The following PTPRD variants were observed in gnomAD, a reference collection of about 807,000 sequenced individuals.
The protein encoded by PTPRD is protein tyrosine phosphatase receptor type D.
PTPRD carries 34 observed loss-of-function variants against 214.5 expected under a neutral mutation model. The observed-to-expected ratio is 0.16, with a 90% CI of 0.12 to 0.21. The LOEUF is 0.21. Ranked by LOEUF, PTPRD falls within the 10% of genes least tolerant of loss-of-function variation. The probability of loss-of-function intolerance (pLI) is 1.00; values close to 1 mark genes in which losing one functional copy is unlikely to be tolerated. For synonymous variants in PTPRD, 1,128 were observed against 845.7 expected (o/e 1.33, Z -5.79); for missense variants, 2,545 against 2,398.7 (o/e 1.06, Z -1.27).
chr9:10,502,087 A>T (rs1399128661), intron 2 of PTPRD, among the ~76,000 whole-genome samples: 1 of 151,966 alleles, frequency 6.6e-6, no homozygotes, highest in Non-Finnish European at 1.5e-5. Context: ...ATTGTGAAAG[A>T]GGTCCCAAGC....
chr9:9,496,849 C>A (rs1232796878), intron 8 of PTPRD, among the ~76,000 whole-genome samples: 2 of 152,134 alleles, frequency 1.3e-5, no homozygotes, highest in Non-Finnish European at 2.9e-5. Context: ...GGCAGCAACT[C>A]AAGTGTCCAT....
intron 8 of PTPRD, among the ~76,000 whole-genome samples, chr9:9,559,742 G>T (rs547537466): frequency 4.9e-4 from 74 of 152,312 alleles, no homozygotes; most frequent in African/African-American, 1.8e-3. Context: ...AGAAGTTCCA[G>T]TTCTGTTGTC....
chr9:9,986,812 A>G (rs1373915408), intron 4 of PTPRD, among the ~76,000 whole-genome samples: 1 of 152,186 alleles, frequency 6.6e-6, no homozygotes, highest in Non-Finnish European at 1.5e-5. Context: ...ATACAAGATG[A>G]ACAAGTTCTG....
At chr9:9,738,837 C>T (rs2154448346) in intron 6 of PTPRD, among the ~76,000 whole-genome samples, 1 of 152,162 alleles carries the variant, frequency 6.6e-6, no homozygotes, top group South Asian at 2.1e-4. Context: ...TATTTCCTCC[C>T]ATTTTGTGTT....
rs79808744 is a variant in PTPRD at position 10,573,851 on chromosome 9, G to A, written c.-600+38547C>T. 1.6e-4 allele frequency among the ~76,000 whole-genome samples: 24 copies of A among 152,288 alleles called. No homozygotes were observed. The East Asian group carries it at 4.4e-3, about 28-fold the overall frequency. On this transcript the variant is annotated intron_variant, in intron 2 of 45. Transcript: ENST00000381196. ...TAGTAAAGACATGGAAGGTAAGAAAGATGAGTAAGTGAAGCAGACCACCAT... is the reference window on the plus strand; with the variant it reads ...TAGTAAAGACATGGAAGGTAAGAAAAATGAGTAAGTGAAGCAGACCACCAT...
At chr9:9,669,517 C>T (rs1274098116) in intron 7 of PTPRD, among the ~76,000 whole-genome samples, 1 of 152,116 alleles carries the variant, frequency 6.6e-6, no homozygotes, top group East Asian at 1.9e-4. Flanking sequence ...ACATTAAACA[C>T]ATTTTGAAAA....
At chr9:10,288,023 C>T (rs972135256) in intron 3 of PTPRD, among the ~76,000 whole-genome samples, 1 of 151,404 alleles carries the variant, frequency 6.6e-6, no homozygotes, top group Non-Finnish European at 1.5e-5. Flanking sequence ...CTAGAGCAAT[C>T]CTAGTCTTAA....
intron 39 of PTPRD, among the ~76,000 whole-genome samples, chr9:8,366,629 G>C (rs10115782): frequency 0.089 from 13,491 of 152,216 alleles, 644 homozygotes; most frequent in Middle Eastern, 0.11. Flanking sequence ...CAAGCTTGAG[G>C]AGGCAGTCTG....
chr9:8,979,823 G>C (rs1332139110), intron 11 of PTPRD, among the ~76,000 whole-genome samples: 1 of 152,056 alleles, frequency 6.6e-6, no homozygotes, highest in Non-Finnish European at 1.5e-5. Context: ...AAAAAAGTAT[G>C]AACCTTCCTA....
intron 11 of PTPRD, among the ~76,000 whole-genome samples, chr9:8,871,069 A>G (rs879538537): frequency 1.4e-4 from 22 of 152,092 alleles, no homozygotes; most frequent in Admixed American, 9.8e-4. Context: ...AAATAAGTAC[A>G]CGTGTTGCTA....
intron 3 of PTPRD, among the ~76,000 whole-genome samples, chr9:10,282,221 AATG>A (rs1343258681): frequency 6.6e-6 from 1 of 152,128 alleles, no homozygotes; most frequent in Non-Finnish European, 1.5e-5. Flanking sequence ...CTAAAATGGG[AATG>A]ATAACAATAA....
At chr9:9,272,480 C>G (rs1278498572) in intron 9 of PTPRD, among the ~76,000 whole-genome samples, 1 of 151,218 alleles carries the variant, frequency 6.6e-6, no homozygotes, top group Admixed American at 6.6e-5. Context: ...ACACATCCCC[C>G]GATCCTGATC....
chr9:10,212,091 C>G (rs2099520120), intron 3 of PTPRD, among the ~76,000 whole-genome samples: 1 of 152,098 alleles, frequency 6.6e-6, no homozygotes. Context: ...CCAATTCTAT[C>G]TAGCAGACAT....
At chr9:9,947,172 G>A (rs561715714) in intron 4 of PTPRD, among the ~76,000 whole-genome samples, 1 of 147,042 alleles carries the variant, frequency 6.8e-6, no homozygotes, top group South Asian at 2.1e-4. Context: ...TCAGTACAAT[G>A]AGTAGTTCAG....
chr9:9,137,582 G>T (rs768532035), intron 10 of PTPRD, among the ~76,000 whole-genome samples: 1 of 152,112 alleles, frequency 6.6e-6, no homozygotes, highest in East Asian at 1.9e-4. Context: ...TGAAACCATG[G>T]ATGAACTTCT....
At chr9:10,215,699 T>C (rs1015296090) in intron 3 of PTPRD, among the ~76,000 whole-genome samples, 1 of 152,028 alleles carries the variant, frequency 6.6e-6, no homozygotes, top group African/African-American at 2.4e-5. Flanking sequence ...TGTGAGAATG[T>C]TCAAAATAGT....
intron 5 of PTPRD, among the ~76,000 whole-genome samples, chr9:9,785,466 T>C (rs2098915824): frequency 6.6e-6 from 1 of 152,108 alleles, no homozygotes; most frequent in African/African-American, 2.4e-5. Context: ...GTTTCTGTAG[T>C]CTTTATGCCC....
At chr9:9,699,175 G>C (rs1343382071) in intron 7 of PTPRD, among the ~76,000 whole-genome samples, 9 of 151,958 alleles carry the variant, frequency 5.9e-5, no homozygotes. Flanking sequence ...CAATAACATA[G>C]TTCTGGTACT....
intron 7 of PTPRD, among the ~76,000 whole-genome samples, chr9:9,731,680 G>A (rs903264206): frequency 6.6e-6 from 1 of 151,902 alleles, no homozygotes; most frequent in Non-Finnish European, 1.5e-5. Flanking sequence ...GGATGAAGCT[G>A]GAAAACATCT....
Sources: gnomAD v4.1 joint callset for allele counts (sites outside exome capture counted in the v4.1 genomes callset) on GRCh38, gnomAD v4.1.1 for gene constraint, MANE v1.5 for transcripts, NCBI Gene and HGNC (gene_info 2026-07-23, HGNC 2026-07-21) for gene names.